Variants in SHISA9 observed in about 807,000 individuals in gnomAD.
SHISA9 encodes the protein protein shisa-9.
A neutral mutation model predicts 38.0 loss-of-function variants in SHISA9; 13 were observed. The ratio of observed to expected loss-of-function variants is 0.34; its 90% CI spans 0.22 to 0.54. SHISA9 has a LOEUF of 0.54. Ranked by LOEUF, SHISA9 falls within the 20% of genes least tolerant of loss-of-function variation. The pLI is 0.91. For synonymous variants in SHISA9, 275 were observed against 242.0 expected, an observed-to-expected ratio of 1.14 and a Z score of -1.27; for missense variants, 538 against 575.8, an observed-to-expected ratio of 0.93 and a Z score of 0.67.
the SHISA9 span, among the ~76,000 whole-genome samples, chr16:13,485,439 C>T: frequency 2.0e-5 from 3 of 152,178 alleles, no homozygotes; most frequent in South Asian, 2.1e-4. Flanking sequence ...TCCAGTCTAT[C>T]ATTGAGGGTA....
Position 13,148,689 on chromosome 16 carries a change from GCACACA to G in SHISA9, c.692-54680_692-54675del, listed in dbSNP as rs3075124. 2.6e-3 allele frequency among the ~76,000 whole-genome samples: 348 copies of G among 132,538 alleles called. 17 individuals carry two copies. The East Asian group carries it at 0.053, about 20-fold the overall frequency. 87.0% of individuals were successfully genotyped at this position (132,538 alleles called of 152,430 possible). ...TCCTCATTCTCTCACACATACACAA[GCACACA>G]CACACACACACACACACACACACAT... On this transcript the variant is annotated intron_variant, in intron 2 of 4. Coordinates refer to ENST00000558583, the MANE Select transcript of SHISA9 (RefSeq NM_001145204.3).
At chr16:12,926,958 T>A (rs533030527) in intron 2 of SHISA9, among the ~76,000 whole-genome samples, 87 of 152,228 alleles carry the variant, frequency 5.7e-4, no homozygotes, top group African/African-American at 2.0e-3. Context: ...CTGCTTTTGG[T>A]TGGAAAATAA....
chr16:13,350,191 CCTT>C, the SHISA9 span: 2 of 152,226 alleles, frequency 1.3e-5, no homozygotes, highest in Non-Finnish European at 2.9e-5. Context: ...GCTGGAACAC[CCTT>C]CTTCTCCTGC....
chr16:13,260,909 C>G, the SHISA9 span, among the ~76,000 whole-genome samples: 1 of 152,238 alleles, frequency 6.6e-6, no homozygotes, highest in East Asian at 1.9e-4. Flanking sequence ...CTGGGGAGGC[C>G]TCAGAATCAT....
chr16:13,392,050 A>G, the SHISA9 span, among the ~76,000 whole-genome samples: 1 of 152,188 alleles, frequency 6.6e-6, no homozygotes, highest in Non-Finnish European at 1.5e-5. Flanking sequence ...ACGTGTTGCC[A>G]GCTGAGGTGT....
intron 1 of SHISA9, 54 bp from the exon 2 acceptor site, chr16:12,916,634 A>G: frequency 6.5e-7 from 1 of 1,530,900 alleles, no homozygotes. Flanking sequence ...GGCGCATAGC[A>G]GCTGCCAGTC....
At chr16:13,171,201 T>A (rs1323626421) in intron 2 of SHISA9, among the ~76,000 whole-genome samples, 3 of 152,018 alleles carry the variant, frequency 2.0e-5, no homozygotes, top group Middle Eastern at 6.8e-3. Context: ...GTGAACTCAT[T>A]AAGGTGGTGG....
At chr16:13,078,272 G>A (rs557940423) in intron 2 of SHISA9, among the ~76,000 whole-genome samples, 3 of 152,282 alleles carry the variant, frequency 2.0e-5, no homozygotes, top group South Asian at 2.1e-4. Flanking sequence ...TATAGCCTAC[G>A]GCTTTCTCCT....
At chr16:13,349,026 T>G in the SHISA9 span, among the ~76,000 whole-genome samples, 2 of 152,166 alleles carry the variant, frequency 1.3e-5, no homozygotes, top group African/African-American at 4.8e-5. Flanking sequence ...TCTTTGAAAT[T>G]ACCAAGCCAG....
At chr16:13,123,420 G>T (rs927844430) in intron 2 of SHISA9, among the ~76,000 whole-genome samples, 2 of 152,214 alleles carry the variant, frequency 1.3e-5, no homozygotes, top group South Asian at 2.1e-4. Flanking sequence ...ATGGGAAATT[G>T]ATTAATGGTG....
intron 2 of SHISA9, among the ~76,000 whole-genome samples, chr16:12,919,327 G>T (rs1445399171): frequency 6.6e-6 from 1 of 152,186 alleles, no homozygotes; most frequent in Non-Finnish European, 1.5e-5. Context: ...AAATTGGAAA[G>T]AATGATGCAT....
At chr16:12,921,953 T>C (rs2071334414) in intron 2 of SHISA9, among the ~76,000 whole-genome samples, 1 of 152,234 alleles carries the variant, frequency 6.6e-6, no homozygotes, top group Admixed American at 6.5e-5. Context: ...CTGATACTAT[T>C]GTTTTTGCCA....
chr16:13,027,047 C>A (rs557660397), intron 2 of SHISA9, among the ~76,000 whole-genome samples: 2 of 152,206 alleles, frequency 1.3e-5, no homozygotes, highest in African/African-American at 2.4e-5. Flanking sequence ...CTCCCTCCCC[C>A]ACTGCTGTAT....
At chr16:13,155,010 G>A (rs1480833891) in intron 2 of SHISA9, among the ~76,000 whole-genome samples, 1 of 152,212 alleles carries the variant, frequency 6.6e-6, no homozygotes, top group Non-Finnish European at 1.5e-5. Flanking sequence ...AATACTTCCT[G>A]TAGGAGTTAT....
At chr16:12,904,448 G>C (rs1164210515) in intron 1 of SHISA9, among the ~76,000 whole-genome samples, 2 of 152,160 alleles carry the variant, frequency 1.3e-5, no homozygotes, top group Non-Finnish European at 2.9e-5. Context: ...AGCCCTCTTT[G>C]ATCTGGGCGT....
the SHISA9 span, among the ~76,000 whole-genome samples, chr16:13,382,487 G>A: frequency 7.2e-5 from 10 of 139,832 alleles, no homozygotes; most frequent in South Asian, 1.6e-3. Flanking sequence ...CCGAGATCGC[G>A]CCACTGCACT....
chr16:13,483,847 A>G, the SHISA9 span, among the ~76,000 whole-genome samples: 2 of 152,048 alleles, frequency 1.3e-5, no homozygotes, highest in African/African-American at 2.4e-5. Context: ...CTTCTCCCAT[A>G]CCTCACCCTA....
At chr16:13,373,529 G>A in the SHISA9 span, among the ~76,000 whole-genome samples, 2 of 152,144 alleles carry the variant, frequency 1.3e-5, no homozygotes, top group East Asian at 3.9e-4. Flanking sequence ...TTGGGAGGCC[G>A]AGGCGGGCAG....
chr16:13,075,769 G>A (rs1367059011), intron 2 of SHISA9, among the ~76,000 whole-genome samples: 1 of 152,178 alleles, frequency 6.6e-6, no homozygotes, highest in Non-Finnish European at 1.5e-5. Context: ...AAAGTAGCCT[G>A]ATAAAGATCA....
Sources: gnomAD v4.1 joint callset for allele counts (sites outside exome capture counted in the v4.1 genomes callset) on GRCh38, gnomAD v4.1.1 for gene constraint, MANE v1.5 for transcripts, NCBI Gene and HGNC (gene_info 2026-07-23, HGNC 2026-07-21) for gene names.